The following AFF1 variants were observed in gnomAD, a reference collection of about 807,000 sequenced individuals.
The protein encoded by AFF1 is AF4/FMR2 family member 1.
AFF1 carries 48 observed loss-of-function variants against 121.7 expected under a neutral mutation model. That is an observed-to-expected ratio of 0.39 (90% CI 0.31 to 0.50). The LOEUF is 0.50. Ranked by LOEUF, AFF1 falls within the 20% of genes least tolerant of loss-of-function variation. AFF1 has a pLI of 0.76. For synonymous variants in AFF1, 613 were observed against 563.0 expected (o/e 1.09, Z -1.26); for missense variants, 1,523 against 1,511.7 (o/e 1.01, Z -0.12).
intron 2 of AFF1, among the ~76,000 whole-genome samples, chr4:86,997,186 A>G (rs1318025467): frequency 6.6e-6 from 1 of 151,752 alleles, no homozygotes; most frequent in African/African-American, 2.4e-5. Context: ...TGCTGGGATT[A>G]CAGGCATGAG....
At chr4:86,995,421 C>T (rs1725066967) in intron 2 of AFF1, among the ~76,000 whole-genome samples, 2 of 150,764 alleles carry the variant, frequency 1.3e-5, no homozygotes, top group African/African-American at 2.4e-5. Flanking sequence ...GCCTGATTCT[C>T]CTGCCTCAGC....
chr4:87,111,500 C>T (rs1048027113), intron 11 of AFF1, among the ~76,000 whole-genome samples: 21 of 151,782 alleles, frequency 1.4e-4, no homozygotes, highest in African/African-American at 2.4e-4. Context: ...ACTACAGGTA[C>T]GTGCCACTAA....
chr4:86,945,675 A>G (rs1720810014), intron 1 of AFF1, among the ~76,000 whole-genome samples: 1 of 151,132 alleles, frequency 6.6e-6, no homozygotes, highest in Non-Finnish European at 1.5e-5. Flanking sequence ...TAATTTTTCT[A>G]TTTTTGTAGA....
chr4:87,066,950 G>A (rs919053487), intron 4 of AFF1, among the ~76,000 whole-genome samples: 3 of 152,142 alleles, frequency 2.0e-5, no homozygotes, highest in South Asian at 2.1e-4. Flanking sequence ...AGTACACGAC[G>A]GCTTCTTCAG....
At chr4:87,005,223 C>T (rs1057367649) in intron 2 of AFF1, among the ~76,000 whole-genome samples, 6 of 152,210 alleles carry the variant, frequency 3.9e-5, no homozygotes, top group African/African-American at 9.6e-5. Flanking sequence ...AAGCGATCTG[C>T]CTGCCTTAGC....
At chr4:86,979,783 C>G (rs932892076) in intron 2 of AFF1, among the ~76,000 whole-genome samples, 2 of 152,186 alleles carry the variant, frequency 1.3e-5, no homozygotes, top group Non-Finnish European at 2.9e-5. Flanking sequence ...AGATACTGTG[C>G]TTACATACAT....
At chr4:87,032,538 G>C (rs955285262) in intron 2 of AFF1, among the ~76,000 whole-genome samples, 1 of 152,162 alleles carries the variant, frequency 6.6e-6, no homozygotes, top group Non-Finnish European at 1.5e-5. Context: ...TGTGTAATAT[G>C]CAAATAAGGT....
intron 4 of AFF1, among the ~76,000 whole-genome samples, chr4:87,048,856 C>T (rs1730983171): frequency 6.6e-6 from 1 of 152,138 alleles, no homozygotes. Context: ...GGCAGAACTG[C>T]ATCTCTGATC....
chr4:86,997,767 A>G (rs1725330749), intron 2 of AFF1, among the ~76,000 whole-genome samples: 1 of 151,410 alleles, frequency 6.6e-6, no homozygotes, highest in Non-Finnish European at 1.5e-5. Context: ...ATCTCAAAAA[A>G]AAAAAAATGC....
In AFF1 at chr4:86,988,391, T is replaced by A. The variant is rs112250312; in HGVS notation, c.38+39820T>A. On this transcript the variant is annotated intron_variant, in intron 2 of 20. Coordinates refer to ENST00000395146, the MANE Select transcript of AFF1 (RefSeq NM_001166693.3). ...CTCCGTTAGATCAACTTTTTTTTTT[T>A]AGCTACCACATTTGAGTAAAAACAT... is the stretch of plus-strand genomic sequence containing the variant. 1.8e-3 allele frequency among the ~76,000 whole-genome samples: 276 copies of A among 152,122 alleles called. 2 individuals are homozygous for A. The highest frequency in any genetic ancestry group is 1.8e-3 in the Non-Finnish European group (121 of 68,004).
intron 1 of AFF1, among the ~76,000 whole-genome samples, chr4:86,937,012 G>A: frequency 6.6e-6 from 1 of 152,212 alleles, no homozygotes; most frequent in East Asian, 1.9e-4. Context: ...TGAAGAGTGG[G>A]ACTTTTGGGG....
At chr4:86,945,790 C>T (rs1720819160) in intron 1 of AFF1, among the ~76,000 whole-genome samples, 1 of 152,018 alleles carries the variant, frequency 6.6e-6, no homozygotes, top group South Asian at 2.1e-4. Flanking sequence ...CCATGCTTGG[C>T]CCATGGAGGA....
At chr4:87,039,280 A>G (rs1008204513) in intron 2 of AFF1, among the ~76,000 whole-genome samples, 1 of 152,178 alleles carries the variant, frequency 6.6e-6, no homozygotes, top group African/African-American at 2.4e-5. Context: ...TTTTAAACAC[A>G]TCCATCCCTA....
At chr4:87,108,420 C>A in intron 11 of AFF1, 105 bp downstream of exon 11, 2 of 1,277,208 alleles carry the variant, frequency 1.6e-6, no homozygotes, top group Non-Finnish European at 2.1e-6. Flanking sequence ...CTGAGTCATT[C>A]TGTCCCATGG....
intron 12 of AFF1, among the ~76,000 whole-genome samples, chr4:87,123,930 T>C (rs576569010): frequency 2.4e-4 from 37 of 152,318 alleles, no homozygotes; most frequent in African/African-American, 8.4e-4. Flanking sequence ...GACCTGACAC[T>C]TAGGAAGTTT....
intron 4 of AFF1, among the ~76,000 whole-genome samples, chr4:87,052,816 A>G (rs1449023610): frequency 6.6e-6 from 1 of 151,784 alleles, no homozygotes; most frequent in Non-Finnish European, 1.5e-5. Context: ...TTTGGCAGGG[A>G]ACTGATAGGG....
rs1436814798 is a variant in AFF1 at position 87,126,503 on chromosome 4, TTAA to T, written c.2811+173_2811+175del. Among the ~76,000 whole-genome samples the T allele has an allele frequency of 3.3e-5, 5 of 152,218 alleles. No individual in the cohort carries two copies. The South Asian group carries it at 1.0e-3, about 31-fold the overall frequency. ...CTTTTTGGAGGGAGAGTAAAAGGTATTAATAATACACAAAGATTTAGGTGTCGA... is the reference window on the plus strand; with the variant it reads ...CTTTTTGGAGGGAGAGTAAAAGGTATTAATACACAAAGATTTAGGTGTCGA... On this transcript the variant is annotated intron_variant, in intron 14 of 20. Coordinates refer to ENST00000395146, the MANE Select transcript of AFF1 (RefSeq NM_001166693.3).
intron 2 of AFF1, among the ~76,000 whole-genome samples, chr4:87,014,526 A>G (rs1727117388): frequency 6.6e-6 from 1 of 152,258 alleles, no homozygotes; most frequent in Non-Finnish European, 1.5e-5. Flanking sequence ...CACTTCCTGT[A>G]ACAAAATTCA....
intron 2 of AFF1, among the ~76,000 whole-genome samples, chr4:87,004,589 T>C (rs1370181829): frequency 2.0e-5 from 3 of 152,226 alleles, no homozygotes; most frequent in African/African-American, 7.2e-5. Context: ...AGAATTGTTT[T>C]GGATTTCAGA....
Sources: allele counts gnomAD v4.1 joint callset (sites outside exome capture counted in the v4.1 genomes callset), GRCh38; gene constraint gnomAD v4.1.1; transcripts MANE v1.5; gene names NCBI Gene and HGNC (gene_info 2026-07-23, HGNC 2026-07-21).